MAPRE3: variants seen among roughly 807,000 people sequenced by gnomAD.
MAPRE3 encodes microtubule-associated protein RP/EB family member 3.
MAPRE3 carries 2 observed loss-of-function variants against 30.5 expected under a neutral mutation model. The ratio of observed to expected loss-of-function variants is 0.07; its 90% CI spans 0.03 to 0.21. The LOEUF (loss-of-function observed/expected upper bound fraction) is 0.21. Ranked by LOEUF, MAPRE3 falls within the 10% of genes least tolerant of loss-of-function variation. The pLI is 1.00. For missense variants in MAPRE3, 204 were observed against 351.8 expected (o/e 0.58, Z 3.36); for synonymous variants, 110 against 127.7 (o/e 0.86, Z 0.93).
chr2:27,018,519 T>TCAG (rs1667036777), intron 1 of MAPRE3, among the ~76,000 whole-genome samples: 1 of 152,206 alleles, frequency 6.6e-6, no homozygotes, highest in Non-Finnish European at 1.5e-5. Context: ...GGCATTTGGT[T>TCAG]ATACTGTTCT....
intron 1 of MAPRE3, among the ~76,000 whole-genome samples, chr2:26,982,522 A>C (rs192983480): frequency 3.2e-4 from 48 of 152,362 alleles, no homozygotes; most frequent in East Asian, 1.4e-3. Context: ...ACCAGGAAGG[A>C]ACAAACAGCT....
intron 1 of MAPRE3, among the ~76,000 whole-genome samples, chr2:27,020,299 T>C (rs1558386697): frequency 1.3e-5 from 2 of 152,206 alleles, no homozygotes; most frequent in Non-Finnish European, 2.9e-5. Context: ...GAAATATTCT[T>C]TCTGTAAGAA....
Position 27,023,001 on chromosome 2 carries a change from C to T in MAPRE3, c.122-331C>T, listed in dbSNP as rs138414734. 1.3e-3 allele frequency: 266 copies of T among 203,202 alleles called. 1 individual carries two copies. The highest frequency in any genetic ancestry group is 5.8e-3 in the African/African-American group (252 of 43,630). 12.6% of individuals were successfully genotyped at this position (203,202 alleles called of 1,614,324 possible). On this transcript the variant is annotated intron_variant, in intron 2 of 6. Transcript: ENST00000233121. ...GCTCTCAGCTCTTCTGGTGGTGCAA[C>T]CTTGGGCAAGTCACTATACTGCCCT...
intron 1 of MAPRE3, among the ~76,000 whole-genome samples, chr2:27,018,992 C>T (rs549402847): frequency 9.2e-5 from 14 of 152,044 alleles, no homozygotes; most frequent in African/African-American, 3.1e-4. Context: ...TCTTGGCTCA[C>T]TGCAACACTC....
At chr2:26,980,025 G>A (rs540744348) in intron 1 of MAPRE3, among the ~76,000 whole-genome samples, 1 of 152,274 alleles carries the variant, frequency 6.6e-6, no homozygotes, top group Non-Finnish European at 1.5e-5. Flanking sequence ...CTCTCCAGAG[G>A]TCTTGCATGC....
At chr2:26,975,244 CAT>C (rs1665992504) in intron 1 of MAPRE3, among the ~76,000 whole-genome samples, 1 of 152,184 alleles carries the variant, frequency 6.6e-6, no homozygotes, top group Non-Finnish European at 1.5e-5. Context: ...GAGGGACACA[CAT>C]GTGGTCTTTA....
intron 1 of MAPRE3, among the ~76,000 whole-genome samples, chr2:26,974,067 A>G (rs977633780): frequency 6.6e-6 from 1 of 152,244 alleles, no homozygotes; most frequent in Non-Finnish European, 1.5e-5. Flanking sequence ...TGCAGAACGT[A>G]TGTAAAAACA....
intron 1 of MAPRE3, among the ~76,000 whole-genome samples, chr2:26,973,943 G>A (rs1437520530): frequency 3.9e-5 from 6 of 152,164 alleles, no homozygotes; most frequent in East Asian, 1.9e-4. Context: ...TGTCTCCCTC[G>A]CTTAGGATGT....
intron 1 of MAPRE3, among the ~76,000 whole-genome samples, chr2:26,979,375 C>T (rs1284442220): frequency 2.0e-5 from 3 of 152,174 alleles, no homozygotes; most frequent in Admixed American, 1.3e-4. Context: ...CACTTGAGGC[C>T]AGGAGTTCAA....
chr2:27,006,903 G>A (rs1392817898), intron 1 of MAPRE3, among the ~76,000 whole-genome samples: 2 of 152,186 alleles, frequency 1.3e-5, no homozygotes, highest in Non-Finnish European at 2.9e-5. Context: ...CTTCCAAAAG[G>A]GGGAAACTGT....
intron 1 of MAPRE3, among the ~76,000 whole-genome samples, chr2:26,984,182 A>G (rs892123464): frequency 6.6e-6 from 1 of 152,236 alleles, no homozygotes; most frequent in African/African-American, 2.4e-5. Flanking sequence ...TAAGAGTGTT[A>G]TGTGTTTAAT....
chr2:26,993,267 G>A (rs1190119172), intron 1 of MAPRE3, among the ~76,000 whole-genome samples: 2 of 152,164 alleles, frequency 1.3e-5, no homozygotes, highest in Non-Finnish European at 2.9e-5. Context: ...CTACTCGGGA[G>A]GCTGAGGCAG....
rs6547355 is a variant in MAPRE3, at chr2:26,987,337, G to T, written c.-8+16535G>T. Among the ~76,000 whole-genome samples, 20 of 152,062 alleles carry T rather than the reference G, an allele frequency of 1.3e-4. No individual in the cohort carries two copies. In the South Asian group the frequency reaches 3.9e-3, roughly 30 times the overall value. On this transcript the variant is annotated intron_variant, in intron 1 of 6. Transcript: ENST00000233121. ...AAATTATCCACTAGAAAATATTTAT[G>T]CCTGTTTTGAAAAGTCTGGCTGGGC...
chr2:27,013,581 C>CATTCATTT (rs1217948658), intron 1 of MAPRE3: 58 of 152,296 alleles, frequency 3.8e-4, no homozygotes, highest in African/African-American at 1.3e-3. Context: ...TTCATTCATT[C>CATTCATTT]AATAAATATA....
chr2:26,995,114 C>G (rs574765976), intron 1 of MAPRE3, among the ~76,000 whole-genome samples: 1 of 152,254 alleles, frequency 6.6e-6, no homozygotes, highest in South Asian at 2.1e-4. Context: ...GCCATATTGT[C>G]TCAAGTCAAA....
intron 1 of MAPRE3, among the ~76,000 whole-genome samples, chr2:26,980,356 G>A (rs1666088037): frequency 6.6e-6 from 1 of 152,184 alleles, no homozygotes; most frequent in Non-Finnish European, 1.5e-5. Flanking sequence ...AGAAGCAATC[G>A]AATCAAATAT....
At chr2:27,001,944 G>A (rs1291376654) in intron 1 of MAPRE3, 1 of 152,246 alleles carries the variant, frequency 6.6e-6, no homozygotes, top group Non-Finnish European at 1.5e-5. Context: ...AACAAATAAT[G>A]GGGTATTTTG....
At chr2:27,020,233 T>C (rs1667082013) in intron 1 of MAPRE3, among the ~76,000 whole-genome samples, 1 of 152,086 alleles carries the variant, frequency 6.6e-6, no homozygotes, top group African/African-American at 2.4e-5. Context: ...CCTTATGAGT[T>C]TGATAAGTGG....
rs563124185 is a variant in MAPRE3 at position 27,017,932 on chromosome 2, A to G, written c.-7-4280A>G. Among the ~76,000 whole-genome samples the G allele has an allele frequency of 7.7e-4, 117 of 152,300 alleles. 1 individual carries two copies. The South Asian group carries it at 8.5e-3, about 11-fold the overall frequency. ...GCAGGAGAAGCCAGTGGACTCTCCT[A>G]GTAAAGAATCTCTGCAATGCATGGA... On this transcript the variant is annotated intron_variant, in intron 1 of 6. Coordinates refer to ENST00000233121, the MANE Select transcript of MAPRE3 (RefSeq NM_012326.4).
Sources: gnomAD v4.1 joint callset for allele counts (sites outside exome capture counted in the v4.1 genomes callset) on GRCh38, gnomAD v4.1.1 for gene constraint, MANE v1.5 for transcripts, NCBI Gene and HGNC (gene_info 2026-07-23, HGNC 2026-07-21) for gene names.